The following ZMYND12 variants were observed in gnomAD, a reference collection of about 807,000 sequenced individuals.
ZMYND12 encodes the protein zinc finger MYND domain-containing protein 12.
In ZMYND12, 32 loss-of-function variants were observed where a neutral mutation model predicts 41.7. The observed-to-expected ratio is 0.77, with a 90% CI of 0.58 to 1.03. ZMYND12 has a LOEUF of 1.03. ZMYND12 is among the 50% of genes least tolerant of loss of function. ZMYND12 has a pLI of 0.00. For synonymous variants in ZMYND12, 148 were observed against 164.8 expected, an observed-to-expected ratio of 0.90 and a Z score of 0.78; for missense variants, 424 against 438.5, an observed-to-expected ratio of 0.97 and a Z score of 0.30.
chr1:42,431,781 T>A (rs922465977), intron 7 of ZMYND12, among the ~76,000 whole-genome samples: 1 of 152,206 alleles, frequency 6.6e-6, no homozygotes, highest in Non-Finnish European at 1.5e-5. Context: ...CCTACCCCTA[T>A]CCCAGGTAGG....
chr1:42,435,954 A>C (rs1175229289), intron 5 of ZMYND12, among the ~76,000 whole-genome samples: 2 of 152,324 alleles, frequency 1.3e-5, no homozygotes, highest in African/African-American at 4.8e-5. Context: ...TACTATATGG[A>C]TACAGCTGAC....
intron 3 of ZMYND12, 106 bp from the exon 4 acceptor site, chr1:42,440,131 T>G (rs1642953648): frequency 8.1e-7 from 1 of 1,238,098 alleles, no homozygotes; most frequent in Admixed American, 3.1e-5. Flanking sequence ...GACTCAAGTA[T>G]TTATTGACAC....
intron 3 of ZMYND12, among the ~76,000 whole-genome samples, chr1:42,447,774 C>T (rs545249447): frequency 5.1e-4 from 77 of 152,048 alleles, no homozygotes; most frequent in Non-Finnish European, 9.3e-4. Context: ...GCTATTAAAA[C>T]ATATGAAGCA....
intron 1 of ZMYND12, 126 bp downstream of exon 1, chr1:42,455,762 A>G: frequency 3.0e-6 from 2 of 667,504 alleles, no homozygotes; most frequent in Non-Finnish European, 5.1e-6. Flanking sequence ...GGCCTGTCTT[A>G]AAGCCGTTTT....
intron 4 of ZMYND12, among the ~76,000 whole-genome samples, chr1:42,438,103 C>G (rs971030309): frequency 6.6e-6 from 1 of 152,248 alleles, no homozygotes; most frequent in Non-Finnish European, 1.5e-5. Flanking sequence ...GCCACCACAC[C>G]TGGCCTACTA....
At chr1:42,449,522 A>C (rs796353763) in intron 2 of ZMYND12, among the ~76,000 whole-genome samples, 3 of 152,226 alleles carry the variant, frequency 2.0e-5, no homozygotes, top group African/African-American at 7.2e-5. Flanking sequence ...ACACAAAGAG[A>C]TACCAGGCAT....
chr1:42,435,489 G>A lies in ZMYND12; in HGVS notation c.718-104C>T, dbSNP rs57721676. The A allele has an allele frequency of 4.6e-3, 3,897 of 855,910 alleles. 109 individuals are homozygous for A. In the African/African-American group the frequency reaches 0.06, roughly 13 times the overall value. The allele number at this position is 855,910 out of a possible 1,614,324, so 53.0% of individuals were successfully genotyped here. On this transcript the variant is annotated intron_variant, in intron 5 of 7. Transcript: ENST00000372565. Reference sequence around the variant, plus strand: ...ATTTGGCCGGGCTTCTGGACAACCTGGAGGTTCTCTCTCTTACTGTGCCTG... The same window carrying A: ...ATTTGGCCGGGCTTCTGGACAACCTAGAGGTTCTCTCTCTTACTGTGCCTG...
intron 2 of ZMYND12, among the ~76,000 whole-genome samples, chr1:42,449,690 C>T (rs1643062516): frequency 6.6e-6 from 1 of 152,162 alleles, no homozygotes; most frequent in African/African-American, 2.4e-5. Context: ...GTTTGAGCCA[C>T]CCAGTTTGTG....
At chr1:42,432,090 T>TTTTTTTTTTTTTTTTTCC in intron 7 of ZMYND12, among the ~76,000 whole-genome samples, 1 of 148,458 alleles carries the variant, frequency 6.7e-6, no homozygotes. Flanking sequence ...AGGATCTTGC[T>TTTTTTTTTTTTTTTTTCC]CTGTCACCCA....
At chr1:42,444,858 G>C (rs1363131363) in intron 3 of ZMYND12, among the ~76,000 whole-genome samples, 1 of 133,570 alleles carries the variant, frequency 7.5e-6, no homozygotes, top group Non-Finnish European at 1.6e-5. Context: ...AGGCTGGAGT[G>C]CAGTAGTGGT....
rs1247527888 is a variant in ZMYND12 at position 42,430,847 on chromosome 1, A to G, written c.987T>C (p.Tyr329=). The stretch of plus-strand genomic sequence containing the variant: ...TGGCTAGACTGAGGGCCCTCATGCC[A>G]TATTCCTGTGCCTGAAATAGAATTG... ...LMMNSSKAQE[Y]GMRALSLAKE... The change falls in exon 8 of 8, where the codon TAT becomes TAC. Residue 329 remains tyrosine, a synonymous_variant. Coordinates refer to ENST00000372565, the MANE Select transcript of ZMYND12 (RefSeq NM_032257.5). 6.2e-7 allele frequency: 1 copy of G among 1,614,188 alleles called. No homozygotes were observed. The highest frequency in any genetic ancestry group is 1.1e-5 in the South Asian group (1 of 91,078).
chr1:42,450,340 C>G (rs1643070587), intron 1 of ZMYND12, among the ~76,000 whole-genome samples: 1 of 152,146 alleles, frequency 6.6e-6, no homozygotes, highest in East Asian at 1.9e-4. Flanking sequence ...TCATAGTGTT[C>G]TCTTATAATC....
Position 42,430,769 on chromosome 1 carries a change from A to G in ZMYND12, c.1065T>C (p.Ser355=). 1 of 1,614,100 alleles carries G rather than the reference A, an allele frequency of 6.2e-7. No individual in the cohort carries two copies. Among genetic ancestry groups the G allele is most frequent in the South Asian group, 1.1e-5 (1 of 91,078 alleles). The change falls in exon 8 of 8, where the codon AGT becomes AGC. Residue 355 remains serine, a synonymous_variant. Coordinates refer to ENST00000372565, the MANE Select transcript of ZMYND12 (RefSeq NM_032257.5). ...HEQSTIQELL[S]LISTEDHPIT is the part of the protein sequence containing the mutation. ...TGGGATGGTCTTCAGTTGAAATGAGACTTAATAACTCTTGAATGGTGCTTT... is the reference window on the plus strand; with the variant it reads ...TGGGATGGTCTTCAGTTGAAATGAGGCTTAATAACTCTTGAATGGTGCTTT...
intron 1 of ZMYND12, among the ~76,000 whole-genome samples, chr1:42,453,024 G>C (rs1380094940): frequency 6.6e-6 from 1 of 151,272 alleles, no homozygotes; most frequent in African/African-American, 2.5e-5. Flanking sequence ...TGACTTTCTT[G>C]TTCCTTAAAC....
In ZMYND12 at chr1:42,430,717, A is replaced by C; in HGVS notation, c.*19T>G. On this transcript the variant is annotated 3_prime_UTR_variant, in exon 8 of 8. Coordinates refer to ENST00000372565, the MANE Select transcript of ZMYND12 (RefSeq NM_032257.5). Reference sequence around the variant, plus strand: ...TCAGTAGCCCCTGGAATAACCCTTGATGCAGAGCTCATGGGTCACTAAGTA... The same window carrying C: ...TCAGTAGCCCCTGGAATAACCCTTGCTGCAGAGCTCATGGGTCACTAAGTA... 1 of 1,613,448 alleles carries C rather than the reference A, an allele frequency of 6.2e-7. No homozygotes were observed. Among genetic ancestry groups the C allele is most frequent in the Non-Finnish European group, 8.5e-7 (1 of 1,179,410 alleles).
rs745423192 is a variant in ZMYND12, at chr1:42,440,071, A to G, written c.425-46T>C. 5.9e-6 allele frequency: 9 copies of G among 1,534,082 alleles called. No homozygotes were observed. In the South Asian group the frequency reaches 1.2e-4, roughly 20 times the overall value. ...AGGTTATAATTCATATCCAGGCCAAAGAACACATGAGGAAATATGAGTCAT... is the reference window on the plus strand; with the variant it reads ...AGGTTATAATTCATATCCAGGCCAAGGAACACATGAGGAAATATGAGTCAT... On this transcript the variant is annotated intron_variant, in intron 3 of 7. Transcript: ENST00000372565.
chr1:42,436,416 C>T lies in ZMYND12; in HGVS notation c.717+5G>A, dbSNP rs376489740. ...AAGGCTCAGCTCCCACATTCCCCAG[C>T]TCACCTTGGTGTACAATGTGTCTGC... On this transcript the variant is annotated splice_donor_5th_base_variant and intron_variant, in intron 5 of 7. Coordinates refer to ENST00000372565, the MANE Select transcript of ZMYND12 (RefSeq NM_032257.5). The T allele has an allele frequency of 1.2e-5, 19 of 1,612,854 alleles. No homozygotes were observed. The highest frequency in any genetic ancestry group is 1.5e-5 in the Non-Finnish European group (18 of 1,179,124).
chr1:42,445,424 C>T (rs1643013604), intron 3 of ZMYND12, among the ~76,000 whole-genome samples: 2 of 139,730 alleles, frequency 1.4e-5, no homozygotes, highest in Non-Finnish European at 3.1e-5. Context: ...CAGATCGGGA[C>T]TCCGTCTAAA....
intron 4 of ZMYND12, among the ~76,000 whole-genome samples, chr1:42,437,685 A>G (rs1262466640): frequency 2.3e-5 from 3 of 129,328 alleles, no homozygotes; most frequent in Non-Finnish European, 4.9e-5. Flanking sequence ...GCTAATTTTC[A>G]TATTTTTTTT....
Sources: gnomAD v4.1 joint callset for allele counts (sites outside exome capture counted in the v4.1 genomes callset) on GRCh38, gnomAD v4.1.1 for gene constraint, MANE v1.5 for transcripts, NCBI Gene and HGNC (gene_info 2026-07-23, HGNC 2026-07-21) for gene names.